The following INTS6 variants were observed in gnomAD, a reference collection of about 807,000 sequenced individuals.
INTS6 encodes integrator complex subunit 6, also known as DEAD box protein.
In INTS6, 16 loss-of-function variants were observed where a neutral mutation model predicts 104.9. The ratio of observed to expected loss-of-function variants is 0.15; its 90% confidence interval spans 0.10 to 0.23. The LOEUF is 0.23. Ranked by LOEUF, INTS6 falls within the 10% of genes least tolerant of loss-of-function variation. The pLI, the probability that INTS6 is intolerant of heterozygous loss-of-function variation, is 1.00. For synonymous variants in INTS6, 324 were observed against 358.7 expected (o/e 0.90, Z 1.09); for missense variants, 584 against 1,062.8 (o/e 0.55, Z 6.26).
intron 4 of INTS6, among the ~76,000 whole-genome samples, chr13:51,413,977 G>A (rs1339355286): frequency 6.6e-6 from 1 of 152,086 alleles, no homozygotes; most frequent in Non-Finnish European, 1.5e-5. Context: ...AATTTTAACT[G>A]GACTCACAGC....
In INTS6 at chr13:51,364,824, T is replaced by G. The variant is rs1173596494; in HGVS notation, c.*928A>C. On this transcript the variant is annotated 3_prime_UTR_variant, in exon 18 of 18. Transcript: ENST00000311234. Reference sequence around the variant, plus strand: ...GCTAAAGGCTAGATATTTCAGAGCATGTACTGTACTCCAAACCTACCACTC... The same window carrying G: ...GCTAAAGGCTAGATATTTCAGAGCAGGTACTGTACTCCAAACCTACCACTC... 1 of 152,286 alleles carries G rather than the reference T, an allele frequency of 6.6e-6. No homozygotes were observed. Among genetic ancestry groups the G allele is most frequent in the East Asian group, 1.9e-4 (1 of 5,202 alleles). The allele number at this position is 152,286 out of a possible 1,614,324, so 9.4% of individuals were successfully genotyped here.
Position 51,365,286 on chromosome 13 carries a change from T to C in INTS6, c.*466A>G, listed in dbSNP as rs1278341680. The C allele has an allele frequency of 6.6e-6, 1 of 152,584 alleles. No individual in the cohort carries two copies. The highest frequency in any genetic ancestry group is 1.5e-5 in the Non-Finnish European group (1 of 68,014). The allele number at this position is 152,584 out of a possible 1,614,324, so 9.5% of individuals were successfully genotyped here. A position where few individuals can be genotyped will look rare whatever the true frequency, so the allele number is the denominator to read the frequency against. On this transcript the variant is annotated 3_prime_UTR_variant, in exon 18 of 18. Transcript: ENST00000311234. ...TGCTTTTCTTAAATATTCTTCAAAA[T>C]ACATTTGTACAACTTACAATAATAT...
At chr13:51,437,630 A>T (rs991601106) in intron 3 of INTS6, 4 of 152,248 alleles carry the variant, frequency 2.6e-5, no homozygotes, top group African/African-American at 7.2e-5. Context: ...GGGAAAAAAA[A>T]TTCATGAAAA....
chr13:51,389,457 A>T lies in INTS6; in HGVS notation c.614-13T>A, dbSNP rs1566218309. 1.3e-6 allele frequency: 2 copies of T among 1,584,908 alleles called. No individual in the cohort carries two copies. Among genetic ancestry groups the T allele is most frequent in the Non-Finnish European group, 1.7e-6 (2 of 1,171,314 alleles). On this transcript the variant is annotated splice_polypyrimidine_tract_variant and intron_variant, in intron 5 of 17. Coordinates refer to ENST00000311234, the MANE Select transcript of INTS6 (RefSeq NM_012141.3). ...GAATATGAACGGCCTGAGATTAAAA[A>T]AAAGAAGAAGAAGAAGAAGAAGAAT... is the stretch of plus-strand genomic sequence containing the variant.
At chr13:51,379,869 A>G (rs1183867418) in intron 10 of INTS6, among the ~76,000 whole-genome samples, 1 of 152,136 alleles carries the variant, frequency 6.6e-6, no homozygotes, top group African/African-American at 2.4e-5. Context: ...GACAGAAGAC[A>G]CATTCTAGAG....
At position 51,404,103 on chromosome 13, in the gene INTS6, C is replaced by CAGAGAG. The variant is rs376831870; in HGVS notation, c.430-8626_430-8621dup. Reference sequence around the variant, plus strand: ...ACACACACACACACACACACACACACAGAGAGAGAGAGAGAGAGAGACAAC... The same window carrying CAGAGAG: ...ACACACACACACACACACACACACACAGAGAGAGAGAGAGAGAGAGAGAGAGACAAC... On this transcript the variant is annotated intron_variant, in intron 4 of 17. Coordinates refer to ENST00000311234, the MANE Select transcript of INTS6 (RefSeq NM_012141.3). Among the ~76,000 whole-genome samples the CAGAGAG allele has an allele frequency of 4.6e-4, 48 of 103,968 alleles. 1 individual carries two copies. Among genetic ancestry groups the CAGAGAG allele is most frequent in the African/African-American group, 1.1e-3 (28 of 25,414 alleles). 68.2% of individuals were successfully genotyped at this position (103,968 alleles called of 152,430 possible).
chr13:51,342,460 A>C, the INTS6 span, among the ~76,000 whole-genome samples: 1 of 152,224 alleles, frequency 6.6e-6, no homozygotes, highest in Non-Finnish European at 1.5e-5. Context: ...TTGAGTGTTT[A>C]GCACAATGTC....
downstream of INTS6, among the ~76,000 whole-genome samples, chr13:51,360,517 T>C (rs1472157623): frequency 6.6e-6 from 1 of 152,046 alleles, no homozygotes; most frequent in Non-Finnish European, 1.5e-5. Flanking sequence ...TTGGAGCTGT[T>C]TAAAAATGGT....
rs1449269181 is a variant in INTS6 at position 51,365,008 on chromosome 13, G to GA, written c.*743dup. On this transcript the variant is annotated 3_prime_UTR_variant, in exon 18 of 18. Transcript: ENST00000311234. ...CAAAGTCATTCCCATAATCTAGGCA[G>GA]AAATGGGAGTATGTTGGCATGGCCA... 4 of 152,492 alleles carry GA rather than the reference G, an allele frequency of 2.6e-5. No individual in the cohort carries two copies. The highest frequency in any genetic ancestry group is 5.9e-5 in the Non-Finnish European group (4 of 67,984). 9.4% of individuals were successfully genotyped at this position (152,492 alleles called of 1,614,324 possible).
intron 17 of INTS6, 30 bp from the exon 18 acceptor site, chr13:51,365,875 T>C (rs1392722202): frequency 1.5e-6 from 2 of 1,346,298 alleles, no homozygotes; most frequent in Admixed American, 1.9e-5. Flanking sequence ...GTACTCTCAA[T>C]TACTTTTTAA....
intron 3 of INTS6, chr13:51,444,332 T>G (rs977007991): frequency 6.9e-6 from 1 of 145,528 alleles, no homozygotes; most frequent in Non-Finnish European, 1.5e-5. Flanking sequence ...CTCAAACTCC[T>G]GACCTCAAGT....
chr13:51,445,083 C>T (rs1448050811), intron 3 of INTS6: 1 of 152,116 alleles, frequency 6.6e-6, no homozygotes, highest in African/African-American at 2.4e-5. Context: ...GCAAATCAAA[C>T]TTGTGTAAAT....
intron 4 of INTS6, among the ~76,000 whole-genome samples, chr13:51,404,063 T>TAC (rs71085082): frequency 0.02 from 2,235 of 109,596 alleles, 53 homozygotes; most frequent in African/African-American, 0.053. Context: ...TCTCTACAAA[T>TAC]ACACACACAC....
chr13:51,348,848 G>GTCCCCCCATGACC, the INTS6 span, among the ~76,000 whole-genome samples: 14 of 150,402 alleles, frequency 9.3e-5, no homozygotes, highest in East Asian at 3.9e-4. Flanking sequence ...ACGTAATTGA[G>GTCCCCCCATGACC]CAAGTACAGA....
intron 4 of INTS6, among the ~76,000 whole-genome samples, chr13:51,403,819 T>C (rs983529569): frequency 3.3e-5 from 5 of 151,962 alleles, no homozygotes; most frequent in African/African-American, 1.2e-4. Context: ...GTATTTGTCA[T>C]ATGAAATAAT....
chr13:51,381,161 T>C (rs777675017), intron 10 of INTS6, among the ~76,000 whole-genome samples: 8 of 152,248 alleles, frequency 5.3e-5, no homozygotes, highest in Non-Finnish European at 1.0e-4. Flanking sequence ...GTAGGTTATA[T>C]GCAAATACTA....
At chr13:51,376,724 T>C (rs1955939380) in intron 12 of INTS6, among the ~76,000 whole-genome samples, 3 of 152,216 alleles carry the variant, frequency 2.0e-5, no homozygotes, top group Non-Finnish European at 4.4e-5. Flanking sequence ...TCTAATCTTT[T>C]GTACTTGGCT....
intron 3 of INTS6, chr13:51,450,475 G>C: frequency 2.0e-6 from 2 of 985,366 alleles, no homozygotes; most frequent in African/African-American, 3.5e-5. Flanking sequence ...TTAATTCAGA[G>C]TTCTTCCTGC....
intron 3 of INTS6, among the ~76,000 whole-genome samples, chr13:51,432,471 C>T (rs1056631246): frequency 4.0e-5 from 6 of 151,184 alleles, no homozygotes; most frequent in Admixed American, 3.9e-4. Flanking sequence ...AAAAAAAACA[C>T]CATCTTGTAT....
Sources: allele counts gnomAD v4.1 joint callset (sites outside exome capture counted in the v4.1 genomes callset), GRCh38; gene constraint gnomAD v4.1.1; transcripts MANE v1.5; gene names NCBI Gene and HGNC (gene_info 2026-07-23, HGNC 2026-07-21).